VGLL4: variants seen among roughly 807,000 people sequenced by gnomAD.
VGLL4 encodes transcription cofactor vestigial-like protein 4.
A neutral mutation model predicts 21.0 loss-of-function variants in VGLL4; 7 were observed. The ratio of observed to expected loss-of-function variants is 0.33; its 90% CI spans 0.19 to 0.63. VGLL4 has a LOEUF of 0.63. Among genes scored for constraint, VGLL4 ranks in the 20% least tolerant of loss-of-function variants. The probability of loss-of-function intolerance (pLI) is 0.78; values close to 1 mark genes in which losing one functional copy is unlikely to be tolerated. For missense variants in VGLL4, 394 were observed against 425.7 expected, an observed-to-expected ratio of 0.93 and a Z score of 0.66; for synonymous variants, 222 against 173.2, an observed-to-expected ratio of 1.28 and a Z score of -2.21.
intron 2 of VGLL4, among the ~76,000 whole-genome samples, chr3:11,572,594 CCTGA>C (rs1046779727): frequency 2.6e-5 from 4 of 152,200 alleles, no homozygotes; most frequent in Admixed American, 1.3e-4. Flanking sequence ...CCTCCTGCTA[CCTGA>C]CTGTCGTCCT....
At chr3:11,647,643 G>C (rs1302421318), upstream of VGLL4, among the ~76,000 whole-genome samples, 1 of 152,146 alleles carries the variant, frequency 6.6e-6, no homozygotes, top group Non-Finnish European at 1.5e-5. Context: ...TTTCATTTCA[G>C]ATTTTTGGAT....
upstream of VGLL4, chr3:11,643,989 G>A (rs2075747292): frequency 3.0e-6 from 3 of 990,188 alleles, no homozygotes; most frequent in African/African-American, 1.7e-5. Context: ...CCGCGCTGCC[G>A]AGGCAGGGAG....
At chr3:11,661,197 C>T (rs1187183647) in intron 2 of VGLL4, among the ~76,000 whole-genome samples, 1 of 152,092 alleles carries the variant, frequency 6.6e-6, no homozygotes, top group Non-Finnish European at 1.5e-5. Context: ...GCCAGTGCCC[C>T]CCGACTCCAC....
chr3:11,661,646 GT>G (rs1482254848), intron 2 of VGLL4, among the ~76,000 whole-genome samples: 1 of 151,730 alleles, frequency 6.6e-6, no homozygotes, highest in African/African-American at 2.4e-5. Context: ...TAATTTTTGT[GT>G]TTTTAGTAGA....
chr3:11,571,075 C>CCTAAGTACAAATGGCAAGAAGTTACTTAG (rs2073755816), intron 2 of VGLL4, among the ~76,000 whole-genome samples: 1 of 152,188 alleles, frequency 6.6e-6, no homozygotes, highest in Non-Finnish European at 1.5e-5. Flanking sequence ...GAGACACCCT[C>CCTAAGTACAAATGGCAAGAAGTTACTTAG]CTAAGTACAA....
intron 1 of VGLL4, among the ~76,000 whole-genome samples, chr3:11,632,195 C>A (rs2075492751): frequency 6.6e-6 from 1 of 152,100 alleles, no homozygotes; most frequent in East Asian, 1.9e-4. Context: ...CACCTGTAGT[C>A]CCAGCTACTT....
chr3:11,685,825 T>A (rs1385114281), intron 2 of VGLL4, among the ~76,000 whole-genome samples: 2 of 152,040 alleles, frequency 1.3e-5, no homozygotes, highest in Non-Finnish European at 2.9e-5. Flanking sequence ...GCACTCTAGC[T>A]TGGGTGACAG....
At chr3:11,703,133 C>T in intron 1 of VGLL4, 2 of 1,149,560 alleles carry the variant, frequency 1.7e-6, no homozygotes, top group South Asian at 3.1e-5. Context: ...AGAATGAGTC[C>T]TCAACCAAAT....
intron 1 of VGLL4, among the ~76,000 whole-genome samples, chr3:11,708,410 A>G (rs1291246086): frequency 6.6e-6 from 1 of 152,228 alleles, no homozygotes; most frequent in African/African-American, 2.4e-5. Context: ...GGGAGACAGC[A>G]GCACATGCTG....
rs1006320173 is a variant in VGLL4 at position 11,620,806 on chromosome 3, T to G, written c.83-18784A>C. On this transcript the variant is annotated intron_variant, in intron 1 of 4. Coordinates refer to ENST00000430365, the MANE Select transcript of VGLL4 (RefSeq NM_001128219.3). ...CAGGACCCGACCGTCCCACCCTGTG[T>G]GCACATATCATGCTCTGTAAAGATC... 2.6e-5 allele frequency among the ~76,000 whole-genome samples: 4 copies of G among 152,334 alleles called. No homozygotes were observed. In the East Asian group the frequency reaches 7.7e-4, roughly 29 times the overall value.
upstream of VGLL4, among the ~76,000 whole-genome samples, chr3:11,648,177 T>C (rs2075819935): frequency 6.6e-6 from 1 of 152,184 alleles, no homozygotes; most frequent in South Asian, 2.1e-4. Flanking sequence ...GTTTGATCTA[T>C]CAAATATTTA....
In VGLL4 at chr3:11,568,740, C is replaced by G. The variant is rs867959320; in HGVS notation, c.273-3721G>C. 13 of 1,529,786 alleles carry G rather than the reference C, an allele frequency of 8.5e-6. No homozygotes were observed. Among genetic ancestry groups the G allele is most frequent in the Middle Eastern group, 4.5e-4 (2 of 4,406 alleles). 94.8% of individuals were successfully genotyped at this position (1,529,786 alleles called of 1,614,324 possible). On this transcript the variant is annotated intron_variant, in intron 2 of 4. Coordinates refer to ENST00000430365, the MANE Select transcript of VGLL4 (RefSeq NM_001128219.3). The surrounding 1 kb of genome is among the most constrained non-coding windows in gnomAD (Gnocchi z 5.9). ...CTCCCGGGGACGGCAGAAAACCGCACGCATCCTGCCCGGGAGATGGAAGTC... is the reference window on the plus strand; with the variant it reads ...CTCCCGGGGACGGCAGAAAACCGCAGGCATCCTGCCCGGGAGATGGAAGTC...
At chr3:11,700,164 C>T (rs1313614357) in intron 2 of VGLL4, among the ~76,000 whole-genome samples, 1 of 152,022 alleles carries the variant, frequency 6.6e-6, no homozygotes, top group Non-Finnish European at 1.5e-5. Flanking sequence ...TATAAGGGTT[C>T]AATCATCACT....
rs542089204 is a variant in VGLL4, at chr3:11,604,972, C to T, written c.83-2950G>A. On this transcript the variant is annotated intron_variant, in intron 1 of 4. Coordinates refer to ENST00000430365, the MANE Select transcript of VGLL4 (RefSeq NM_001128219.3). ...ACTTTTACAGGAGTTTAACTACAGG[C>T]CTTTCTGTCTTCTAATGCATCTCAG... Among the ~76,000 whole-genome samples, 72 of 143,366 alleles carry T rather than the reference C, an allele frequency of 5.0e-4. 11 individuals carry two copies. Among genetic ancestry groups the T allele is most frequent in the African/African-American group, 1.7e-3 (69 of 39,486 alleles). The allele number at this position is 143,366 out of a possible 152,430, so 94.1% of individuals were successfully genotyped here.
rs542945370 is a variant in VGLL4, at chr3:11,717,980, A to G, written c.-14+2414T>C. On this transcript the variant is annotated intron_variant, in intron 1 of 5. Coordinates refer to the VGLL4 transcript ENST00000273038. Reference sequence around the variant, plus strand: ...TAGAACTCAAGTCTCCAGAAATAATAACCCAGAGCTGTTTTTACTACAACA... The same window carrying G: ...TAGAACTCAAGTCTCCAGAAATAATGACCCAGAGCTGTTTTTACTACAACA... 2.0e-5 allele frequency among the ~76,000 whole-genome samples: 3 copies of G among 151,298 alleles called. No homozygotes were observed. The South Asian group carries it at 6.4e-4, about 32-fold the overall frequency.
intron 2 of VGLL4, among the ~76,000 whole-genome samples, chr3:11,650,940 AATG>A (rs906699031): frequency 3.3e-5 from 5 of 152,302 alleles, no homozygotes; most frequent in Admixed American, 6.5e-5. Flanking sequence ...GAACAGTACC[AATG>A]ATGATGATGA....
At chr3:11,649,732 C>A (rs76765379) in intron 2 of VGLL4, among the ~76,000 whole-genome samples, 1 of 152,134 alleles carries the variant, frequency 6.6e-6, no homozygotes, top group East Asian at 1.9e-4. Context: ...TCTACACTTG[C>A]AGAGCTTATA....
At chr3:11,622,649 A>G (rs2075283883) in intron 1 of VGLL4, among the ~76,000 whole-genome samples, 1 of 152,252 alleles carries the variant, frequency 6.6e-6, no homozygotes, top group Non-Finnish European at 1.5e-5. Context: ...ACTTCTAGCA[A>G]ATTAAATGGA....
intron 3 of VGLL4, 130 bp from the exon 4 acceptor site, chr3:11,559,585 C>A (rs2072778177): frequency 1.5e-6 from 2 of 1,337,976 alleles, no homozygotes; most frequent in Non-Finnish European, 9.8e-7. Context: ...CCTCCCACTT[C>A]AATACTGGAG....
Sources: allele counts gnomAD v4.1 joint callset (sites outside exome capture counted in the v4.1 genomes callset), GRCh38; gene constraint gnomAD v4.1.1; non-coding constraint Gnocchi (gnomAD v3.1); transcripts MANE v1.5; gene names NCBI Gene and HGNC (gene_info 2026-07-23, HGNC 2026-07-21).